CNTN3: variants seen among roughly 807,000 people sequenced by gnomAD.
CNTN3 encodes the protein contactin-3.
A neutral mutation model predicts 119.1 loss-of-function variants in CNTN3; 60 were observed. The ratio of observed to expected loss-of-function variants is 0.50; its 90% CI spans 0.41 to 0.62. The LOEUF is 0.62. CNTN3 is among the 20% of genes least tolerant of loss of function. The pLI is 0.00. For missense variants in CNTN3, 1,101 were observed against 1,242.4 expected (o/e 0.89, Z 1.71); for synonymous variants, 450 against 438.7 (o/e 1.03, Z -0.32).
intron 4 of CNTN3, among the ~76,000 whole-genome samples, chr3:74,445,781 T>A (rs1050925703): frequency 6.6e-6 from 1 of 152,154 alleles, no homozygotes; most frequent in Non-Finnish European, 1.5e-5. Flanking sequence ...TGTGGTAGCA[T>A]CAGCAAACAT....
chr3:74,384,385 C>T (rs1242320161), intron 5 of CNTN3, among the ~76,000 whole-genome samples: 6 of 152,302 alleles, frequency 3.9e-5, no homozygotes, highest in Admixed American at 2.6e-4. Context: ...CATGATAAAA[C>T]GCTTTTCTTT....
Position 74,264,084 on chromosome 3 carries a change from T to C in CNTN3, c.*317A>G, listed in dbSNP as rs548672630. On this transcript the variant is annotated 3_prime_UTR_variant, in exon 23 of 23. Coordinates refer to ENST00000263665, the MANE Select transcript of CNTN3 (RefSeq NM_020872.3). ...TTTTCAATGTAAAAAGAAATTCTCA[T>C]GCGTGTGTGTGTACATGTGAGAGTG... The C allele has an allele frequency of 4.3e-4, 81 of 189,948 alleles. No homozygotes were observed. The highest frequency in any genetic ancestry group is 1.8e-3 in the African/African-American group (79 of 43,194). 11.8% of individuals were successfully genotyped at this position (189,948 alleles called of 1,614,324 possible).
intron 6 of CNTN3, 94 bp downstream of exon 6, chr3:74,371,102 C>A: frequency 1.2e-6 from 1 of 845,952 alleles, no homozygotes; most frequent in East Asian, 2.6e-5. Context: ...AGTGACAATT[C>A]TTCTAGATGT....
intron 1 of CNTN3, among the ~76,000 whole-genome samples, chr3:74,545,577 A>T (rs778097498): frequency 1.3e-5 from 2 of 152,198 alleles, no homozygotes; most frequent in African/African-American, 2.4e-5. Flanking sequence ...AATTTAGGCT[A>T]TAAGTTCACT....
chr3:74,300,048 A>T (rs1305853541), intron 16 of CNTN3, 110 bp from the exon 17 acceptor site: 12 of 588,800 alleles, frequency 2.0e-5, no homozygotes, highest in Non-Finnish European at 3.3e-5. Flanking sequence ...TCATTGGCAC[A>T]TGATTCATAC....
At chr3:74,401,085 G>T (rs927013578) in intron 5 of CNTN3, among the ~76,000 whole-genome samples, 1 of 152,138 alleles carries the variant, frequency 6.6e-6, no homozygotes, top group African/African-American at 2.4e-5. Flanking sequence ...TAAACTCGTG[G>T]CCTTGTAATG....
chr3:74,520,442 A>T (rs1247579875), intron 2 of CNTN3, among the ~76,000 whole-genome samples: 8 of 151,460 alleles, frequency 5.3e-5, no homozygotes, highest in Non-Finnish European at 5.9e-5. Flanking sequence ...ACACTATTTT[A>T]AAAAAACTCT....
chr3:74,362,917 G>T (rs1175587076), intron 10 of CNTN3, among the ~76,000 whole-genome samples: 1 of 152,150 alleles, frequency 6.6e-6, no homozygotes, highest in Non-Finnish European at 1.5e-5. Flanking sequence ...TCCAGAGGTT[G>T]TTGGCCTTAA....
intron 13 of CNTN3, among the ~76,000 whole-genome samples, chr3:74,303,047 C>T (rs529404201): frequency 6.6e-6 from 1 of 152,272 alleles, no homozygotes; most frequent in East Asian, 1.9e-4. Flanking sequence ...TCCTCCTGGG[C>T]ATTTATGGTT....
chr3:74,434,174 G>A (rs981598428), intron 4 of CNTN3, among the ~76,000 whole-genome samples: 11 of 152,270 alleles, frequency 7.2e-5, no homozygotes, highest in African/African-American at 2.6e-4. Context: ...AGATCTATAG[G>A]TGTGTCACTT....
chr3:74,585,123 A>G (rs1315188699), intron 1 of CNTN3, among the ~76,000 whole-genome samples: 2 of 152,192 alleles, frequency 1.3e-5, no homozygotes, highest in East Asian at 1.9e-4. Flanking sequence ...AAAGTGGCAT[A>G]TCTACGTTTA....
chr3:74,419,417 T>C (rs1199218294), intron 5 of CNTN3, among the ~76,000 whole-genome samples: 1 of 151,978 alleles, frequency 6.6e-6, no homozygotes, highest in African/African-American at 2.4e-5. Context: ...ATAAAGATGC[T>C]GATACAGAAG....
intron 1 of CNTN3, among the ~76,000 whole-genome samples, chr3:74,543,895 A>C (rs1168204930): frequency 6.6e-6 from 1 of 152,206 alleles, no homozygotes; most frequent in Non-Finnish European, 1.5e-5. Flanking sequence ...AAGTCTTCAT[A>C]TTCAGAGTTT....
chr3:74,512,692 CAAAAAAAAAAAAA>C (rs66822650), intron 2 of CNTN3, among the ~76,000 whole-genome samples: 2 of 85,260 alleles, frequency 2.3e-5, no homozygotes, highest in African/African-American at 4.7e-5. Context: ...CATAATCAAG[CAAAAAAAAAAAAA>C]AAAAAAAAAA....
intron 3 of CNTN3, among the ~76,000 whole-genome samples, chr3:74,488,890 T>C (rs1452732879): frequency 6.6e-6 from 1 of 152,194 alleles, no homozygotes; most frequent in Admixed American, 6.5e-5. Context: ...TTGGTTTATT[T>C]GCAAAGTAAA....
At chr3:74,487,609 G>T (rs1333263148) in intron 3 of CNTN3, among the ~76,000 whole-genome samples, 1 of 152,100 alleles carries the variant, frequency 6.6e-6, no homozygotes, top group Non-Finnish European at 1.5e-5. Flanking sequence ...ACTATTAATT[G>T]GTGGGATCAG....
At chr3:74,333,988 G>A (rs1703330965) in intron 13 of CNTN3, among the ~76,000 whole-genome samples, 1 of 152,124 alleles carries the variant, frequency 6.6e-6, no homozygotes, top group South Asian at 2.1e-4. Flanking sequence ...AGCTAGCTTT[G>A]CAATTCCAGA....
intron 5 of CNTN3, among the ~76,000 whole-genome samples, chr3:74,393,274 G>A (rs934622723): frequency 3.3e-5 from 5 of 152,066 alleles, no homozygotes; most frequent in African/African-American, 7.2e-5. Flanking sequence ...CTGAGAACAC[G>A]CATTTGACTA....
intron 1 of CNTN3, among the ~76,000 whole-genome samples, chr3:74,558,782 G>C (rs1286837483): frequency 6.6e-6 from 1 of 151,954 alleles, no homozygotes; most frequent in African/African-American, 2.4e-5. Flanking sequence ...AGGAGTTTGA[G>C]ACTAACCTTT....
Sources: allele counts gnomAD v4.1 joint callset (sites outside exome capture counted in the v4.1 genomes callset), GRCh38; gene constraint gnomAD v4.1.1; transcripts MANE v1.5; gene names NCBI Gene and HGNC (gene_info 2026-07-23, HGNC 2026-07-21).